Variants in MAPRE2 observed in about 807,000 individuals in gnomAD.
The protein encoded by MAPRE2 is microtubule associated protein RP/EB family member 2.
MAPRE2 carries 13 observed loss-of-function variants against 43.2 expected under a neutral mutation model. The ratio of observed to expected loss-of-function variants is 0.30; its 90% CI spans 0.20 to 0.48. MAPRE2 has a LOEUF of 0.48. MAPRE2 is among the 20% of genes least tolerant of loss of function. The probability of loss-of-function intolerance (pLI) is 0.99; values close to 1 mark genes in which losing one functional copy is unlikely to be tolerated. For synonymous variants in MAPRE2, 135 were observed against 148.8 expected, an observed-to-expected ratio of 0.91 and a Z score of 0.68; for missense variants, 161 against 400.2, an observed-to-expected ratio of 0.40 and a Z score of 5.10.
chr18:35,018,896 C>T (rs2097040193), intron 2 of MAPRE2, among the ~76,000 whole-genome samples: 1 of 151,800 alleles, frequency 6.6e-6, no homozygotes, highest in Admixed American at 6.6e-5. Context: ...TTCTCTGCTT[C>T]CCTTTGGTAT....
intron 3 of MAPRE2, 36 bp from the exon 4 acceptor site, chr18:35,101,910 G>T (rs376792240): frequency 1.4e-4 from 203 of 1,485,198 alleles, no homozygotes; most frequent in Middle Eastern, 1.8e-4. Context: ...ACCCAAACGT[G>T]AGGTTTGTAA....
At chr18:35,066,670 C>T (rs1361633688) in intron 1 of MAPRE2, among the ~76,000 whole-genome samples, 1 of 152,346 alleles carries the variant, frequency 6.6e-6, no homozygotes, top group East Asian at 1.9e-4. Flanking sequence ...GATGGCAGTG[C>T]AGGAATAGAA....
chr18:34,978,387 C>G, intron 1 of MAPRE2: 1 of 843,460 alleles, frequency 1.2e-6, no homozygotes, highest in Non-Finnish European at 2.0e-6. Flanking sequence ...CCTGGGGCCG[C>G]GCTGCGAGGC....
intron 2 of MAPRE2, among the ~76,000 whole-genome samples, chr18:35,013,756 G>A (rs920550690): frequency 4.0e-5 from 6 of 151,870 alleles, no homozygotes; most frequent in Admixed American, 1.3e-4. Context: ...TAGCTTTCAC[G>A]TATTAGTGAG....
chr18:35,021,637 C>T (rs980318461), intron 2 of MAPRE2, among the ~76,000 whole-genome samples: 3 of 151,788 alleles, frequency 2.0e-5, no homozygotes, highest in South Asian at 2.1e-4. Flanking sequence ...AGAGCTTTGG[C>T]GAATTAAAAA....
At chr18:35,022,313 T>C (rs1179798524) in intron 2 of MAPRE2, among the ~76,000 whole-genome samples, 2 of 152,166 alleles carry the variant, frequency 1.3e-5, no homozygotes, top group African/African-American at 2.4e-5. Context: ...TTGTTCAAAT[T>C]AGTAAGTAAG....
intron 2 of MAPRE2, among the ~76,000 whole-genome samples, chr18:35,075,619 A>T (rs1201896144): frequency 1.3e-5 from 2 of 152,208 alleles, no homozygotes; most frequent in Non-Finnish European, 2.9e-5. Flanking sequence ...ATGGAATATT[A>T]TTCATACTTG....
chr18:34,994,107 C>A (rs1185917712), intron 1 of MAPRE2, among the ~76,000 whole-genome samples: 1 of 150,994 alleles, frequency 6.6e-6, no homozygotes, highest in Non-Finnish European at 1.5e-5. Flanking sequence ...TGCTTCCTGG[C>A]TCTCCAGTAC....
chr18:35,057,980 A>T (rs1373788837), intron 1 of MAPRE2, among the ~76,000 whole-genome samples: 1 of 152,206 alleles, frequency 6.6e-6, no homozygotes, highest in African/African-American at 2.4e-5. Flanking sequence ...TGCAGGAGAG[A>T]ACCTGTCTTG....
chr18:35,097,638 T>C lies in MAPRE2; in HGVS notation c.396+47T>C, dbSNP rs777078206. ...AAAATGTGTTGTTTTTTCTTAAAAT[T>C]GTTTTTGTGCATAAATGCAAAAGTC... On this transcript the variant is annotated intron_variant, in intron 3 of 6. Coordinates refer to ENST00000300249, the MANE Select transcript of MAPRE2 (RefSeq NM_014268.4). The C allele has an allele frequency of 2.6e-6, 4 of 1,554,684 alleles. No homozygotes were observed. The Admixed American group carries it at 7.3e-5, about 28-fold the overall frequency.
chr18:34,985,617 A>G (rs1290437653), intron 1 of MAPRE2, among the ~76,000 whole-genome samples: 1 of 101,314 alleles, frequency 9.9e-6, no homozygotes, highest in Non-Finnish European at 1.8e-5. Flanking sequence ...ATATTATAAT[A>G]ATATATAACA....
At chr18:35,031,353 A>G (rs1269249412) in intron 2 of MAPRE2, among the ~76,000 whole-genome samples, 24 of 152,218 alleles carry the variant, frequency 1.6e-4, no homozygotes, top group Admixed American at 1.6e-3. Flanking sequence ...AGGCCTGACT[A>G]CTTTCTTTTC....
At chr18:35,072,234 C>G (rs1907148107) in intron 2 of MAPRE2, among the ~76,000 whole-genome samples, 1 of 152,208 alleles carries the variant, frequency 6.6e-6, no homozygotes, top group Non-Finnish European at 1.5e-5. Flanking sequence ...ACACATACCC[C>G]TTTGTATTGT....
rs1029600506 is a variant in MAPRE2 at position 35,094,473 on chromosome 18, A to G, written c.251-2973A>G. On this transcript the variant is annotated intron_variant, in intron 2 of 6. Coordinates refer to ENST00000300249, the MANE Select transcript of MAPRE2 (RefSeq NM_014268.4). The stretch of plus-strand genomic sequence containing the variant: ...AGACAAAAAAGGCAATTTAAAATCT[A>G]GAAAGAGATCTAAGTACATGTATTA... 3.9e-5 allele frequency among the ~76,000 whole-genome samples: 6 copies of G among 152,308 alleles called. No homozygotes were observed. In the East Asian group the frequency reaches 1.2e-3, roughly 29 times the overall value.
At chr18:34,999,068 C>G (rs1299317124) in intron 1 of MAPRE2, among the ~76,000 whole-genome samples, 4 of 152,104 alleles carry the variant, frequency 2.6e-5, no homozygotes, top group Admixed American at 2.0e-4. Context: ...GACCCAAACA[C>G]TAAACTTGAA....
intron 1 of MAPRE2, among the ~76,000 whole-genome samples, chr18:35,002,751 C>T (rs548755077): frequency 1.4e-4 from 22 of 152,006 alleles, no homozygotes; most frequent in Non-Finnish European, 2.4e-4. Flanking sequence ...TCCCATTTTC[C>T]GACTAAGTTG....
chr18:35,061,794 C>T (rs1906543930), intron 1 of MAPRE2, among the ~76,000 whole-genome samples: 1 of 152,166 alleles, frequency 6.6e-6, no homozygotes, highest in African/African-American at 2.4e-5. Context: ...CCCTCTTTGA[C>T]TCCCTCTTTG....
rs1400954981 is a variant in MAPRE2, at chr18:35,100,988, G to A, written c.397-958G>A. On this transcript the variant is annotated intron_variant, in intron 3 of 6. Coordinates refer to ENST00000300249, the MANE Select transcript of MAPRE2 (RefSeq NM_014268.4). ...CAGGAGGCGGAGGTTGCAGTCAGCCGAGATCGTGCCATTGCACTCCATCCT... is the reference window on the plus strand; with the variant it reads ...CAGGAGGCGGAGGTTGCAGTCAGCCAAGATCGTGCCATTGCACTCCATCCT... Among the ~76,000 whole-genome samples the A allele has an allele frequency of 4.6e-5, 7 of 152,184 alleles. No individual in the cohort carries two copies. In the East Asian group the frequency reaches 7.7e-4, roughly 17 times the overall value.
chr18:35,092,750 G>GA (rs1908212632), intron 2 of MAPRE2, among the ~76,000 whole-genome samples: 1 of 151,958 alleles, frequency 6.6e-6, no homozygotes, highest in Non-Finnish European at 1.5e-5. Flanking sequence ...CAACTCAGTA[G>GA]AAAAAAGAAC....
Sources: gnomAD v4.1 joint callset for allele counts (sites outside exome capture counted in the v4.1 genomes callset) on GRCh38, gnomAD v4.1.1 for gene constraint, MANE v1.5 for transcripts, NCBI Gene and HGNC (gene_info 2026-07-23, HGNC 2026-07-21) for gene names.